FAM81A: variants seen among roughly 807,000 people sequenced by gnomAD.
FAM81A encodes the protein family with sequence similarity 81 member A.
Under a neutral mutation model 46.7 loss-of-function variants are expected in FAM81A, and 19 were observed. That is an observed-to-expected ratio of 0.41 (90% CI 0.28 to 0.60). The LOEUF is 0.60. Ranked by LOEUF, FAM81A falls within the 20% of genes least tolerant of loss-of-function variation. FAM81A has a pLI of 0.34. For synonymous variants in FAM81A, 183 were observed against 152.9 expected (o/e 1.20, Z -1.45); for missense variants, 377 against 453.5 (o/e 0.83, Z 1.53).
chr15:59,484,983 T>C (rs1400708337), intron 3 of FAM81A, among the ~76,000 whole-genome samples: 2 of 152,168 alleles, frequency 1.3e-5, no homozygotes, highest in African/African-American at 2.4e-5. Flanking sequence ...GGCAGTAGCA[T>C]GGCTTTATTC....
chr15:59,507,482 T>C, intron 5 of FAM81A, 140 bp downstream of exon 5: 1 of 1,223,018 alleles, frequency 8.2e-7, no homozygotes. Flanking sequence ...ATCTTTTCTT[T>C]GATTCTTCCT....
chr15:59,415,503 C>T lies in FAM81A; in HGVS notation c.-78+13145C>T, dbSNP rs144176565. ...CTTAAAAGTGGAACAGGGAGGCAGA[C>T]GAGAGGCTTGGAGAGATGCTACGTT... On this transcript the variant is annotated intron_variant, in intron 2 of 4. Transcript: ENST00000558348. Among the ~76,000 whole-genome samples the T allele has an allele frequency of 5.7e-4, 87 of 152,284 alleles. 1 individual carries two copies. The highest frequency in any genetic ancestry group is 3.4e-3 in the Middle Eastern group (1 of 294).
chr15:59,468,457 A>T (rs1295537450), intron 3 of FAM81A, among the ~76,000 whole-genome samples: 3 of 152,030 alleles, frequency 2.0e-5, no homozygotes, highest in African/African-American at 7.2e-5. Flanking sequence ...GTGTCCAGGA[A>T]TTTATCCATT....
chr15:59,482,805 A>T (rs2081870236), intron 3 of FAM81A, among the ~76,000 whole-genome samples: 1 of 152,236 alleles, frequency 6.6e-6, no homozygotes, highest in Admixed American at 6.5e-5. Flanking sequence ...GTTACTTCCT[A>T]TTAAGAGAGA....
chr15:59,431,210 C>A (rs2081218362), intron 2 of FAM81A, among the ~76,000 whole-genome samples: 1 of 151,972 alleles, frequency 6.6e-6, no homozygotes, highest in African/African-American at 2.4e-5. Context: ...TGTCATAGTC[C>A]TAACAATTCC....
In FAM81A at chr15:59,407,758, T is replaced by G. The variant is rs534150964; in HGVS notation, c.-78+5400T>G. On this transcript the variant is annotated intron_variant, in intron 2 of 4. Transcript: ENST00000558348. The stretch of plus-strand genomic sequence containing the variant: ...TCCTGCTCGAAAAACAGGTGGTCTC[T>G]TAGTGGGGAAGTCCCCTTTGCTGGC... 2.1e-4 allele frequency: 48 copies of G among 223,696 alleles called. 1 individual carries two copies. The highest frequency in any genetic ancestry group is 1.1e-3 in the African/African-American group (46 of 42,348). The allele number at this position is 223,696 out of a possible 1,614,324, so 13.9% of individuals were successfully genotyped here. A position where few individuals can be genotyped will look rare whatever the true frequency, so the allele number is the denominator to read the frequency against.
chr15:59,402,746 G>A (rs1363294879), intron 2 of FAM81A, among the ~76,000 whole-genome samples: 4 of 151,552 alleles, frequency 2.6e-5, no homozygotes, highest in Admixed American at 1.3e-4. Flanking sequence ...TAGAGATGGG[G>A]TTTCACCATG....
At chr15:59,506,701 C>G (rs968062874) in intron 4 of FAM81A, among the ~76,000 whole-genome samples, 16 of 152,222 alleles carry the variant, frequency 1.1e-4, no homozygotes, top group African/African-American at 3.9e-4. Context: ...AGTTGCAAGG[C>G]CCACAGGGCA....
rs1472493954 is a variant in FAM81A at position 59,489,294 on chromosome 15, C to CATACATACATAT, written c.295-2966_295-2965insTATACATACATA. On this transcript the variant is annotated intron_variant, in intron 3 of 8. Transcript: ENST00000288228. The stretch of plus-strand genomic sequence containing the variant: ...ACATACATACATACATACATACATA[C>CATACATACATAT]ATACATACATACATACATATATACA... 3.5e-4 allele frequency among the ~76,000 whole-genome samples: 52 copies of CATACATACATAT among 150,674 alleles called. 1 individual carries two copies. The highest frequency in any genetic ancestry group is 1.2e-3 in the African/African-American group (51 of 41,004).
intron 4 of FAM81A, among the ~76,000 whole-genome samples, chr15:59,501,316 C>T (rs1304547201): frequency 2.6e-5 from 4 of 152,130 alleles, no homozygotes; most frequent in African/African-American, 9.7e-5. Context: ...ATTAGGTTAT[C>T]TTCCTCTGTT....
intron 3 of FAM81A, among the ~76,000 whole-genome samples, chr15:59,481,547 A>G (rs1261495628): frequency 1.3e-5 from 2 of 151,862 alleles, no homozygotes; most frequent in Non-Finnish European, 2.9e-5. Context: ...CTCCATATTT[A>G]TTTTCTATGC....
intron 1 of FAM81A, among the ~76,000 whole-genome samples, chr15:59,400,018 T>C (rs374246702): frequency 6.6e-6 from 1 of 151,768 alleles, no homozygotes. Context: ...CCCGTCCGAG[T>C]CTCTCTTCTG....
rs1370444737 is a variant in FAM81A, at chr15:59,398,766, A to G, written c.-160-3510A>G. On this transcript the variant is annotated intron_variant, in intron 1 of 4. Coordinates refer to the FAM81A transcript ENST00000558348. ...GAGTGAGACTCTGTCTCAGAAAAAAAAAAAAAAAAAAAAAAAAAAAAAGGA... is the reference window on the plus strand; with the variant it reads ...GAGTGAGACTCTGTCTCAGAAAAAAGAAAAAAAAAAAAAAAAAAAAAAGGA... 3.6e-5 allele frequency among the ~76,000 whole-genome samples: 5 copies of G among 139,384 alleles called. No homozygotes were observed. The South Asian group carries it at 1.1e-3, about 31-fold the overall frequency. 91.4% of individuals were successfully genotyped at this position (139,384 alleles called of 152,430 possible).
intron 2 of FAM81A, among the ~76,000 whole-genome samples, chr15:59,431,993 TA>T (rs2081222563): frequency 6.6e-6 from 1 of 152,198 alleles, no homozygotes; most frequent in East Asian, 1.9e-4. Flanking sequence ...AAGACGATTA[TA>T]CCTATTTATC....
chr15:59,462,296 C>T (rs2081562201), intron 3 of FAM81A, among the ~76,000 whole-genome samples: 1 of 151,332 alleles, frequency 6.6e-6, no homozygotes, highest in South Asian at 2.1e-4. Context: ...CCCAGTTTCT[C>T]TACCCCCTCA....
chr15:59,508,818 T>C lies in FAM81A; in HGVS notation c.544-45T>C, dbSNP rs753875873. On this transcript the variant is annotated intron_variant, in intron 5 of 8. Coordinates refer to ENST00000288228, the MANE Select transcript of FAM81A (RefSeq NM_152450.3). ...ACTAAATGTTTTCTGAAGTTGCATC[T>C]GAAGACGTTAGATGTGATATTTATA... The C allele has an allele frequency of 2.5e-5, 36 of 1,450,122 alleles. No individual in the cohort carries two copies. In the South Asian group the frequency reaches 4.1e-4, roughly 16 times the overall value. The allele number at this position is 1,450,122 out of a possible 1,614,324, so 89.8% of individuals were successfully genotyped here.
chr15:59,477,057 T>G (rs146840394), intron 3 of FAM81A, among the ~76,000 whole-genome samples: 1,757 of 151,122 alleles, frequency 0.012, 28 homozygotes, highest in African/African-American at 0.037. Context: ...GAGGCGGAGG[T>G]TACAGTCAGC....
chr15:59,497,410 C>T (rs1325653975), intron 4 of FAM81A, among the ~76,000 whole-genome samples: 1 of 151,910 alleles, frequency 6.6e-6, no homozygotes, highest in African/African-American at 2.4e-5. Context: ...TGTGCCACTG[C>T]ACTCCAGCCT....
chr15:59,436,451 G>C (rs1250372235), upstream of FAM81A, among the ~76,000 whole-genome samples: 1 of 152,072 alleles, frequency 6.6e-6, no homozygotes, highest in Non-Finnish European at 1.5e-5. Context: ...AATAAGAAGA[G>C]GAAGAAACAA....
Sources: allele counts gnomAD v4.1 joint callset (sites outside exome capture counted in the v4.1 genomes callset), GRCh38; gene constraint gnomAD v4.1.1; transcripts MANE v1.5; gene names NCBI Gene and HGNC (gene_info 2026-07-23, HGNC 2026-07-21).